Variants in ULK2 observed in about 807,000 individuals in gnomAD.
The protein encoded by ULK2 is unc-51 like autophagy activating kinase 2, also known as serine/threonine-protein kinase ULK2.
ULK2 carries 76 observed loss-of-function variants against 127.5 expected under a neutral mutation model. The observed-to-expected ratio is 0.60, with a 90% confidence interval of 0.50 to 0.72. The LOEUF (loss-of-function observed/expected upper bound fraction) is 0.72, where lower values mean the gene tolerates loss of function less well. Ranked by LOEUF, ULK2 falls within the 30% of genes least tolerant of loss-of-function variation. ULK2 has a pLI of 0.00. For missense variants in ULK2, 1,144 were observed against 1,295.9 expected, an observed-to-expected ratio of 0.88 and a Z score of 1.80; for synonymous variants, 452 against 461.9, an observed-to-expected ratio of 0.98 and a Z score of 0.28.
At chr17:19,856,824 A>G (rs1476930570) in intron 3 of ULK2, among the ~76,000 whole-genome samples, 1 of 150,392 alleles carries the variant, frequency 6.6e-6, no homozygotes, top group African/African-American at 2.4e-5. Flanking sequence ...ATACAAAAAC[A>G]AAATTAGCCA....
In ULK2 at chr17:19,849,784, A is replaced by G; in HGVS notation, c.226-10T>C. The G allele has an allele frequency of 6.6e-7, 1 of 1,506,898 alleles. No individual in the cohort carries two copies. Among genetic ancestry groups the G allele is most frequent in the Non-Finnish European group, 9.0e-7 (1 of 1,108,864 alleles). 93.3% of individuals were successfully genotyped at this position (1,506,898 alleles called of 1,614,324 possible). A position where few individuals can be genotyped will look rare whatever the true frequency, so the allele number is the denominator to read the frequency against. On this transcript the variant is annotated splice_polypyrimidine_tract_variant and intron_variant, in intron 3 of 26. Coordinates refer to ENST00000395544, the MANE Select transcript of ULK2 (RefSeq NM_014683.4). Reference sequence around the variant, plus strand: ...CAGAGTTGGGTAATTCCTGAAAAGTAAACATATTAAATATCATTTAGAGAA... The same window carrying G: ...CAGAGTTGGGTAATTCCTGAAAAGTGAACATATTAAATATCATTTAGAGAA...
At chr17:19,840,153 C>T (rs2041706506) in intron 9 of ULK2, 2 of 451,544 alleles carry the variant, frequency 4.4e-6, no homozygotes, top group Non-Finnish European at 9.0e-6. Flanking sequence ...TACTCTATCA[C>T]GCCTGGCCAC....
At chr17:19,848,112 GAGA>G (rs1597806907) in intron 5 of ULK2, 1 of 152,000 alleles carries the variant, frequency 6.6e-6, no homozygotes, top group South Asian at 2.1e-4. Flanking sequence ...GAACAATACA[GAGA>G]AGATTAGCAA....
intron 20 of ULK2, among the ~76,000 whole-genome samples, chr17:19,794,621 A>C (rs1315930625): frequency 6.6e-6 from 1 of 152,190 alleles, no homozygotes; most frequent in African/African-American, 2.4e-5. Flanking sequence ...AGTACAGTGA[A>C]ATATTAAATC....
chr17:19,801,677 C>T (rs1245607400), intron 16 of ULK2, 100 bp downstream of exon 16: 1 of 1,516,344 alleles, frequency 6.6e-7, no homozygotes, highest in Non-Finnish European at 9.0e-7. Context: ...AGCTGAGAAT[C>T]ACTGCCATCA....
chr17:19,787,234 G>A lies in ULK2; in HGVS notation c.2102-1148C>T, dbSNP rs60975117. Among the ~76,000 whole-genome samples, 1,124 of 152,244 alleles carry A rather than the reference G, an allele frequency of 7.4e-3. 9 individuals are homozygous for A. Among genetic ancestry groups the A allele is most frequent in the African/African-American group, 0.025 (1,050 of 41,556 alleles). On this transcript the variant is annotated intron_variant, in intron 20 of 26. Transcript: ENST00000395544. ...GATCTCTTGACCTTGTGATCCGCCCGCCTTGGCCTCTCAAACTGCTGGGAT... is the reference window on the plus strand; with the variant it reads ...GATCTCTTGACCTTGTGATCCGCCCACCTTGGCCTCTCAAACTGCTGGGAT...
At chr17:19,853,175 C>T (rs898036339) in intron 3 of ULK2, among the ~76,000 whole-genome samples, 3 of 149,406 alleles carry the variant, frequency 2.0e-5, no homozygotes, top group Admixed American at 6.8e-5. Flanking sequence ...CGCTCTATTA[C>T]CCAGGCTGAA....
At chr17:19,783,346 G>C (rs191382938) in intron 22 of ULK2, among the ~76,000 whole-genome samples, 2,171 of 152,030 alleles carry the variant, frequency 0.014, 23 homozygotes, top group Non-Finnish European at 0.022. Context: ...AGCTACTCGT[G>C]GGGGCTGAGG....
At chr17:19,835,275 G>A (rs923843682) in intron 10 of ULK2, among the ~76,000 whole-genome samples, 4 of 150,734 alleles carry the variant, frequency 2.7e-5, no homozygotes, top group African/African-American at 7.3e-5. Flanking sequence ...TCAGCCTCTC[G>A]AGTAGCTGGG....
chr17:19,780,352 C>T, intron 25 of ULK2, 120 bp downstream of exon 25: 2 of 895,640 alleles, frequency 2.2e-6, no homozygotes, highest in Non-Finnish European at 1.6e-6. Context: ...GAAGGCAATC[C>T]ACAATACTTG....
At position 19,864,790 on chromosome 17, in the gene ULK2, C is replaced by T; in HGVS notation, c.225+13G>A. On this transcript the variant is annotated intron_variant, in intron 3 of 26. Transcript: ENST00000395544. ...ATTTATTTTAATTTTTAAAAATTTT[C>T]AAAATAAGGTACCTGAACATCATAG... The T allele has an allele frequency of 8.1e-7, 1 of 1,236,456 alleles. No homozygotes were observed. The highest frequency in any genetic ancestry group is 1.1e-6 in the Non-Finnish European group (1 of 945,318). The allele number at this position is 1,236,456 out of a possible 1,614,324, so 76.6% of individuals were successfully genotyped here.
At chr17:19,784,073 T>C (rs1567674536) in intron 21 of ULK2, 168 bp from the exon 22 acceptor site, 1 of 460,688 alleles carries the variant, frequency 2.2e-6, no homozygotes, top group Non-Finnish European at 3.5e-6. Context: ...TTTTTACTTA[T>C]CCATGTTCAT....
chr17:19,866,526 A>T (rs760317683), intron 1 of ULK2, among the ~76,000 whole-genome samples: 13 of 152,170 alleles, frequency 8.5e-5, no homozygotes, highest in African/African-American at 3.1e-4. Context: ...ATAAATAAAT[A>T]AATAAGAAAA....
intron 16 of ULK2, among the ~76,000 whole-genome samples, chr17:19,800,268 A>G (rs1020766210): frequency 6.6e-6 from 1 of 152,110 alleles, no homozygotes; most frequent in Non-Finnish European, 1.5e-5. Context: ...TGTATATCTA[A>G]TATGTTCTAT....
chr17:19,818,570 G>A (rs2041052680), intron 12 of ULK2, among the ~76,000 whole-genome samples: 1 of 152,032 alleles, frequency 6.6e-6, no homozygotes, highest in South Asian at 2.1e-4. Context: ...CAGTGGAAGA[G>A]ATGCTTCTCT....
At chr17:19,862,881 C>T (rs1434995484) in intron 3 of ULK2, among the ~76,000 whole-genome samples, 3 of 152,174 alleles carry the variant, frequency 2.0e-5, no homozygotes, top group African/African-American at 7.2e-5. Flanking sequence ...TCATTCCCAG[C>T]ACTCAGAACA....
rs55976194 is a variant in ULK2 at position 19,795,740 on chromosome 17, G to C, written c.1998-15C>G. On this transcript the variant is annotated splice_polypyrimidine_tract_variant and intron_variant, in intron 19 of 26. Coordinates refer to ENST00000395544, the MANE Select transcript of ULK2 (RefSeq NM_014683.4). ...TACTGACAGATCTAAAAAGAATAGT[G>C]ATGTTTTTAATAAAGGAAAAGTATA... is the stretch of plus-strand genomic sequence containing the variant. 1.8e-3 allele frequency: 2,817 copies of C among 1,603,008 alleles called. 5 individuals carry two copies. Among genetic ancestry groups the C allele is most frequent in the Non-Finnish European group, 2.1e-3 (2,465 of 1,170,132 alleles).
intron 14 of ULK2, 117 bp downstream of exon 14, chr17:19,810,261 G>T: frequency 1.0e-5 from 5 of 480,368 alleles, no homozygotes; most frequent in Non-Finnish European, 1.4e-5. Context: ...AAAAAAACCA[G>T]AAATAATGGA....
Position 19,782,939 on chromosome 17 carries a change from CAAAT to C in ULK2, c.2460+754_2460+757del, listed in dbSNP as rs538237566. 1.8e-3 allele frequency among the ~76,000 whole-genome samples: 279 copies of C among 151,150 alleles called. 1 individual carries two copies. The highest frequency in any genetic ancestry group is 5.1e-3 in the African/African-American group (209 of 41,020). On this transcript the variant is annotated intron_variant, in intron 22 of 26. Transcript: ENST00000395544. ...TCAAATAAACAAACAAACAAACAAACAAATAAATAAATAAATAAATGGGTATTCT... is the reference window on the plus strand; with the variant it reads ...TCAAATAAACAAACAAACAAACAAACAAATAAATAAATAAATGGGTATTCT...
Sources: allele counts gnomAD v4.1 joint callset (sites outside exome capture counted in the v4.1 genomes callset), GRCh38; gene constraint gnomAD v4.1.1; transcripts MANE v1.5; gene names NCBI Gene and HGNC (gene_info 2026-07-23, HGNC 2026-07-21).